Variants in BOD1L1 observed in about 807,000 individuals in gnomAD.
BOD1L1 encodes biorientation of chromosomes in cell division protein 1-like 1.
In BOD1L1, 86 loss-of-function variants were observed where a neutral mutation model predicts 240.7. The ratio of observed to expected loss-of-function variants is 0.36; its 90% CI spans 0.30 to 0.43. The LOEUF is 0.43. Among genes scored for constraint, BOD1L1 ranks in the 20% least tolerant of loss-of-function variants. The probability of loss-of-function intolerance (pLI) is 1.00; values close to 1 mark genes in which losing one functional copy is unlikely to be tolerated. For missense variants in BOD1L1, 3,554 were observed against 3,643.5 expected, an observed-to-expected ratio of 0.98 and a Z score of 0.63; for synonymous variants, 1,268 against 1,272.3, an observed-to-expected ratio of 1.00 and a Z score of 0.07.
At chr4:13,612,212 C>G (rs570508502) in intron 5 of BOD1L1, among the ~76,000 whole-genome samples, 20 of 152,270 alleles carry the variant, frequency 1.3e-4, no homozygotes, top group Admixed American at 5.2e-4. Flanking sequence ...AGAAATACCT[C>G]TATGGTGTTA....
intron 12 of BOD1L1, among the ~76,000 whole-genome samples, chr4:13,594,936 C>G (rs955228230): frequency 1.3e-5 from 2 of 152,078 alleles, no homozygotes; most frequent in Non-Finnish European, 2.9e-5. Flanking sequence ...AAAACAAAAA[C>G]CCAACCGTCT....
At chr4:13,614,020 A>G (rs997084197) in intron 4 of BOD1L1, among the ~76,000 whole-genome samples, 176 bp downstream of exon 4, 1 of 152,162 alleles carries the variant, frequency 6.6e-6, no homozygotes, top group African/African-American at 2.4e-5. Flanking sequence ...CTGTGAACAG[A>G]TATATGAGTA....
chr4:13,580,068 T>C, intron 21 of BOD1L1, 95 bp from the exon 22 acceptor site: 1 of 895,338 alleles, frequency 1.1e-6, no homozygotes, highest in Non-Finnish European at 1.7e-6. Flanking sequence ...TGGTATAGGA[T>C]CTTTATTTAC....
chr4:13,614,387 C>A lies in BOD1L1; in HGVS notation c.983G>T (p.Ser328Ile). ...TTTCTTTCTTTCTCCTTTCTCATTG[C>A]TGTCTGGCTTCTTTTCACCTTTGTC... ...STDKGEKKPDSNEKGERKKEK... is the reference protein window; with the variant it reads ...STDKGEKKPDINEKGERKKEK... The change falls in exon 4 of 26, where the codon AGC becomes ATC. Residue 328 changes from serine (S) to isoleucine (I), a missense_variant. By Grantham distance (142) the Ser-to-Ile change is moderately radical. Transcript: ENST00000040738. The A allele has an allele frequency of 1.3e-6, 2 of 1,564,046 alleles. No individual in the cohort carries two copies. The highest frequency in any genetic ancestry group is 1.2e-5 in the South Asian group (1 of 86,050).
chr4:13,576,726 T>A (rs1346624648), intron 25 of BOD1L1, 112 bp downstream of exon 25: 3 of 1,342,120 alleles, frequency 2.2e-6, no homozygotes, highest in Non-Finnish European at 3.0e-6. Context: ...AGGGAAGAAC[T>A]TCCACTGCAG....
intron 9 of BOD1L1, among the ~76,000 whole-genome samples, chr4:13,606,023 T>C (rs1715672613): frequency 6.6e-6 from 1 of 152,170 alleles, no homozygotes; most frequent in Non-Finnish European, 1.5e-5. Flanking sequence ...CTTATGCAAA[T>C]AATGGGCCAA....
At position 13,597,131 on chromosome 4, in the gene BOD1L1, C is replaced by T; in HGVS notation, c.7992G>A (p.Leu2664=). ...EESPLNVLGG[L]KLKANLKMEA... is the part of the protein sequence containing the mutation. ...CCATTTTCAAGTTGGCTTTCAGTTT[C>T]AATCCTCCCAAAACATTCAATGGAG... Residue 2664 remains leucine (L), a synonymous_variant, in exon 11 of 26, where the codon TTG becomes TTA. Transcript: ENST00000040738. The T allele has an allele frequency of 6.3e-7, 1 of 1,594,956 alleles. No homozygotes were observed. Among genetic ancestry groups the T allele is most frequent in the Non-Finnish European group, 8.5e-7 (1 of 1,169,598 alleles).
chr4:13,611,224 GA>G (rs1461947130), intron 5 of BOD1L1, 124 bp from the exon 6 acceptor site: 2 of 611,934 alleles, frequency 3.3e-6, no homozygotes, highest in Non-Finnish European at 5.4e-6. Context: ...AGGATGTGAA[GA>G]TTTCAGAAAT....
In BOD1L1 at chr4:13,569,897, C is replaced by T; in HGVS notation, c.*114G>A. 1.5e-6 allele frequency: 1 copy of T among 649,438 alleles called. No individual in the cohort carries two copies. The highest frequency in any genetic ancestry group is 2.4e-6 in the Non-Finnish European group (1 of 420,946). 40.2% of individuals were successfully genotyped at this position (649,438 alleles called of 1,614,324 possible). On this transcript the variant is annotated 3_prime_UTR_variant, in exon 26 of 26. Coordinates refer to ENST00000040738, the MANE Select transcript of BOD1L1 (RefSeq NM_148894.3). Reference sequence around the variant, plus strand: ...ACAAGAAAAAGCTTGCACCTAGGGACTTACAGCACATGCATATCTTTTTCC... The same window carrying T: ...ACAAGAAAAAGCTTGCACCTAGGGATTTACAGCACATGCATATCTTTTTCC...
intron 12 of BOD1L1, 130 bp from the exon 13 acceptor site, chr4:13,592,096 T>C (rs1482079471): frequency 8.0e-6 from 5 of 621,452 alleles, no homozygotes; most frequent in Non-Finnish European, 1.4e-5. Context: ...CTTTCATAAA[T>C]TATAAAAATC....
chr4:13,613,728 T>G lies in BOD1L1; in HGVS notation c.1175-67A>C. 2.5e-6 allele frequency: 3 copies of G among 1,219,674 alleles called. No homozygotes were observed. Among genetic ancestry groups the G allele is most frequent in the Non-Finnish European group, 3.3e-6 (3 of 918,568 alleles). 75.6% of individuals were successfully genotyped at this position (1,219,674 alleles called of 1,614,324 possible). Reference sequence around the variant, plus strand: ...TTATAAGAACATACTCAGAGCTCAATTACTAAATTACACTTAAAATTTTCT... The same window carrying G: ...TTATAAGAACATACTCAGAGCTCAAGTACTAAATTACACTTAAAATTTTCT... On this transcript the variant is annotated intron_variant, in intron 4 of 25. Coordinates refer to ENST00000040738, the MANE Select transcript of BOD1L1 (RefSeq NM_148894.3). The surrounding 1 kb of genome is among the most constrained non-coding windows in gnomAD (Gnocchi z 4.0).
Position 13,599,891 on chromosome 4 carries a change from A to C in BOD1L1, c.7009T>G (p.Cys2337Gly). 6.2e-7 allele frequency: 1 copy of C among 1,613,900 alleles called. No individual in the cohort carries two copies. Among genetic ancestry groups the C allele is most frequent in the Non-Finnish European group, 8.5e-7 (1 of 1,179,856 alleles). The change falls in exon 10 of 26, where the codon TGT (cysteine) becomes GGT (glycine). Residue 2337 changes from cysteine (C) to glycine (G), a missense_variant. Physicochemically the swap from Cys to Gly is radical, Grantham distance 159 (BLOSUM62 -3). Coordinates refer to ENST00000040738, the MANE Select transcript of BOD1L1 (RefSeq NM_148894.3). ...TCAATGCTGGCGGAAATTGGCATAC[A>C]TTCTGCTGTGCTGGTGGAGATGATG... ...AAIISTSTAE[C>G]MPISASIDRH... is the part of the protein sequence containing the mutation.
At chr4:13,592,243 A>G in intron 12 of BOD1L1, 1 of 344,746 alleles carries the variant, frequency 2.9e-6, no homozygotes, top group East Asian at 5.1e-5. Context: ...TGATTTAACT[A>G]TGTTGGTGAT....
rs531482184 is a variant in BOD1L1, at chr4:13,602,583, A to G, written c.4317T>C (p.Ala1439=). The G allele has an allele frequency of 6.2e-7, 1 of 1,614,026 alleles. No individual in the cohort carries two copies. Among genetic ancestry groups the G allele is most frequent in the Admixed American group, 1.7e-5 (1 of 60,026 alleles). Residue 1439 remains alanine (A), a synonymous_variant, in exon 10 of 26, where the codon GCT becomes GCC. Coordinates refer to ENST00000040738, the MANE Select transcript of BOD1L1 (RefSeq NM_148894.3). The part of the protein sequence containing the change: ...TVENGKKDGI[A]VDHVVGLNTE... The stretch of plus-strand genomic sequence containing the variant: ...TATTCAGGCCTACAACATGATCAAC[A>G]GCAATGCCATCCTTCTTGCCATTCT...
chr4:13,572,371 C>T (rs1388899627), intron 25 of BOD1L1, among the ~76,000 whole-genome samples: 1 of 152,172 alleles, frequency 6.6e-6, no homozygotes, highest in East Asian at 1.9e-4. Flanking sequence ...CTCATCACCT[C>T]TCCAATGCTC....
chr4:13,621,237 G>A, intron 1 of BOD1L1, among the ~76,000 whole-genome samples: 1 of 152,198 alleles, frequency 6.6e-6, no homozygotes, highest in East Asian at 1.9e-4. Flanking sequence ...CAACACTGAT[G>A]TTCTTTCTAC....
At position 13,600,084 on chromosome 4, in the gene BOD1L1, G is replaced by T. The variant is rs1305676309; in HGVS notation, c.6816C>A (p.Val2272=). ...CTGAGGGGTCGCCTTCCTCTTGAGG[G>T]ACAGCACTGGACACTGGGCCCTCAC... ...EDCEGPVSSA[V]PQEEGDPSVT... is the part of the protein sequence containing the mutation. The change falls in exon 10 of 26, where the codon GTC becomes GTA. Residue 2272 remains valine (V), a synonymous_variant. Coordinates refer to ENST00000040738, the MANE Select transcript of BOD1L1 (RefSeq NM_148894.3). 1 of 1,613,560 alleles carries T rather than the reference G, an allele frequency of 6.2e-7. No individual in the cohort carries two copies. Among genetic ancestry groups the T allele is most frequent in the South Asian group, 1.1e-5 (1 of 91,006 alleles).
At chr4:13,579,812 C>T in intron 22 of BOD1L1, 116 bp downstream of exon 22, 1 of 744,334 alleles carries the variant, frequency 1.3e-6, no homozygotes, top group Non-Finnish European at 2.2e-6. Context: ...TTATTTTTAC[C>T]AAGGGGGCCA....
chr4:13,590,783 A>C (rs1205006475), intron 13 of BOD1L1, among the ~76,000 whole-genome samples: 2 of 152,146 alleles, frequency 1.3e-5, no homozygotes, highest in African/African-American at 4.8e-5. Context: ...TCTTTATTTA[A>C]AAACTCTATA....
Sources: gnomAD v4.1 joint callset for allele counts (sites outside exome capture counted in the v4.1 genomes callset) on GRCh38, gnomAD v4.1.1 for gene constraint, Gnocchi (gnomAD v3.1) non-coding constraint, MANE v1.5 for transcripts, NCBI Gene and HGNC (gene_info 2026-07-23, HGNC 2026-07-21) for gene names.